The following ARHGAP10 variants were observed in gnomAD, a reference collection of about 807,000 sequenced individuals.
ARHGAP10 encodes Rho GTPase activating protein 10.
ARHGAP10 carries 87 observed loss-of-function variants against 108.6 expected under a neutral mutation model. That is an observed-to-expected ratio of 0.80 (90% CI 0.67 to 0.96). The LOEUF is 0.96. Ranked by LOEUF, ARHGAP10 falls within the 40% of genes least tolerant of loss-of-function variation. The pLI is 0.00. For synonymous variants in ARHGAP10, 347 were observed against 341.1 expected, an observed-to-expected ratio of 1.02 and a Z score of -0.19; for missense variants, 939 against 954.5, an observed-to-expected ratio of 0.98 and a Z score of 0.21.
chr4:147,807,223 T>C (rs1436098713), intron 1 of ARHGAP10, among the ~76,000 whole-genome samples: 1 of 152,176 alleles, frequency 6.6e-6, no homozygotes, highest in Non-Finnish European at 1.5e-5. Context: ...AAGATCTACC[T>C]TGTAGGATTT....
At chr4:147,733,425 C>T (rs931675575) in intron 1 of ARHGAP10, among the ~76,000 whole-genome samples, 6 of 152,148 alleles carry the variant, frequency 3.9e-5, no homozygotes, top group African/African-American at 1.4e-4. Context: ...CCCTTTCCCC[C>T]TTTAAAAGAC....
chr4:147,957,473 G>C (rs893022101), intron 16 of ARHGAP10, among the ~76,000 whole-genome samples: 3 of 152,116 alleles, frequency 2.0e-5, no homozygotes, highest in African/African-American at 7.2e-5. Flanking sequence ...TTGGAAAATC[G>C]GGATTGTGGT....
At chr4:147,747,803 AAG>A (rs1560736971) in intron 1 of ARHGAP10, among the ~76,000 whole-genome samples, 1 of 152,186 alleles carries the variant, frequency 6.6e-6, no homozygotes, top group East Asian at 1.9e-4. Flanking sequence ...AGAAAAAAAA[AAG>A]AAATTTTGGC....
intron 4 of ARHGAP10, among the ~76,000 whole-genome samples, chr4:147,856,789 T>A (rs942212500): frequency 6.6e-6 from 1 of 152,222 alleles, no homozygotes; most frequent in African/African-American, 2.4e-5. Context: ...TTAGGGAAGA[T>A]CTTTCCCAAG....
rs112532261 is a variant in ARHGAP10, at chr4:147,889,970, C to T, written c.1034+8038C>T. Among the ~76,000 whole-genome samples the T allele has an allele frequency of 8.3e-3, 1,263 of 152,344 alleles. 16 individuals are homozygous for T. Among genetic ancestry groups the T allele is most frequent in the African/African-American group, 0.029 (1,205 of 41,578 alleles). ...AGATCACAGCTGATATAATCCTGCT[C>T]TCTCGAGCATAGTTTACTTTTATCA... On this transcript the variant is annotated intron_variant, in intron 10 of 22. Coordinates refer to ENST00000336498, the MANE Select transcript of ARHGAP10 (RefSeq NM_024605.4).
chr4:147,932,596 T>A (rs1438394927), intron 13 of ARHGAP10, among the ~76,000 whole-genome samples: 1 of 117,946 alleles, frequency 8.5e-6, no homozygotes, highest in African/African-American at 3.4e-5. Flanking sequence ...AAGTGGGAGC[T>A]AAATAATAAC....
At chr4:147,917,763 A>G (rs1448136081) in intron 13 of ARHGAP10, among the ~76,000 whole-genome samples, 4 of 152,222 alleles carry the variant, frequency 2.6e-5, no homozygotes, top group Non-Finnish European at 5.9e-5. Context: ...ATTTTTATGA[A>G]TGGAGCTAAT....
At chr4:147,937,069 C>T (rs1453897920) in intron 13 of ARHGAP10, among the ~76,000 whole-genome samples, 2 of 152,056 alleles carry the variant, frequency 1.3e-5, no homozygotes, top group African/African-American at 4.8e-5. Context: ...TGAAACCATC[C>T]CCCCCACCCC....
chr4:147,765,192 T>C lies in ARHGAP10; in HGVS notation c.154+32737T>C, dbSNP rs371024660. Among the ~76,000 whole-genome samples, 14 of 152,304 alleles carry C rather than the reference T, an allele frequency of 9.2e-5. No homozygotes were observed. In the East Asian group the frequency reaches 2.5e-3, roughly 27 times the overall value. ...TTTTCTTGTTAGGCATAATTTATCA[T>C]TGTGAGTCATTTAAGATCTATTTAG... On this transcript the variant is annotated intron_variant, in intron 1 of 22. Transcript: ENST00000336498.
chr4:147,779,859 G>C (rs1245364729), intron 1 of ARHGAP10, among the ~76,000 whole-genome samples: 1 of 152,124 alleles, frequency 6.6e-6, no homozygotes, highest in Non-Finnish European at 1.5e-5. Context: ...CTTATTCTGA[G>C]GTTTAAATGG....
Position 147,944,255 on chromosome 4 carries a change from T to A in ARHGAP10, c.1304-2362T>A, listed in dbSNP as rs532696410. ...GGCTTAATTTGATTTCTTGAATGTA[T>A]CTGTGGCTTGTCTGACAAGCTCAGT... On this transcript the variant is annotated intron_variant, in intron 14 of 22. Transcript: ENST00000336498. Among the ~76,000 whole-genome samples the A allele has an allele frequency of 7.2e-5, 11 of 152,350 alleles. No individual in the cohort carries two copies. The South Asian group carries it at 2.3e-3, about 32-fold the overall frequency.
rs533009289 is a variant in ARHGAP10 at position 147,833,075 on chromosome 4, C to T, written c.312+10118C>T. ...CCTGCCATCATCTTGGAAGAAAATC[C>T]TGGATACAAGAATGGAGCTCCTTAA... On this transcript the variant is annotated intron_variant, in intron 3 of 22. Transcript: ENST00000336498. Among the ~76,000 whole-genome samples the T allele has an allele frequency of 5.3e-5, 8 of 152,280 alleles. No homozygotes were observed. In the East Asian group the frequency reaches 1.5e-3, roughly 29 times the overall value.
At position 148,063,233 on chromosome 4, in the gene ARHGAP10, C is replaced by A. The variant is rs1396217943; in HGVS notation, c.2113C>A (p.Leu705Ile). ...AAGCTCCAACTCAGCTGTGACACCTCTTTCACCCGGGTCGTCCCCTTTCCC... is the reference window on the plus strand; with the variant it reads ...AAGCTCCAACTCAGCTGTGACACCTATTTCACCCGGGTCGTCCCCTTTCCC... ...TTSSNSAVTPLSPGSSPFPFS... is the reference protein window; with the variant it reads ...TTSSNSAVTPISPGSSPFPFS... Residue 705 changes from leucine (L) to isoleucine (I), a missense_variant, in exon 21 of 23, where the codon CTT becomes ATT. Transcript: ENST00000336498. 6.2e-7 allele frequency: 1 copy of A among 1,614,100 alleles called. No homozygotes were observed. Among genetic ancestry groups the A allele is most frequent in the African/African-American group, 1.3e-5 (1 of 74,926 alleles).
chr4:148,025,412 G>T (rs963864370), intron 19 of ARHGAP10, among the ~76,000 whole-genome samples: 1 of 151,486 alleles, frequency 6.6e-6, no homozygotes, highest in African/African-American at 2.4e-5. Context: ...CTTAAGTTTG[G>T]TCATAGTGAT....
chr4:147,801,855 A>G (rs1292602464), intron 1 of ARHGAP10, among the ~76,000 whole-genome samples: 1 of 152,242 alleles, frequency 6.6e-6, no homozygotes, highest in Non-Finnish European at 1.5e-5. Flanking sequence ...GGAGAAACCC[A>G]GAAGTTAACT....
chr4:147,993,977 C>A (rs1740377586), intron 18 of ARHGAP10, among the ~76,000 whole-genome samples: 1 of 152,172 alleles, frequency 6.6e-6, no homozygotes, highest in Admixed American at 6.5e-5. Flanking sequence ...CTGCAGTTTA[C>A]AGATCAATGC....
intron 1 of ARHGAP10, among the ~76,000 whole-genome samples, chr4:147,742,560 T>G (rs1728725923): frequency 7.3e-6 from 1 of 137,640 alleles, no homozygotes; most frequent in Non-Finnish European, 1.5e-5. Context: ...CTCGACTCAC[T>G]GCAACCTCTG....
intron 3 of ARHGAP10, among the ~76,000 whole-genome samples, chr4:147,844,539 T>C (rs911235597): frequency 2.6e-5 from 4 of 152,238 alleles, no homozygotes; most frequent in Non-Finnish European, 5.9e-5. Context: ...ATGAGTTCAA[T>C]TGTTTTGATT....
intron 6 of ARHGAP10, 184 bp downstream of exon 6, chr4:147,865,140 C>G (rs1734501315): frequency 5.3e-6 from 3 of 567,358 alleles, no homozygotes; most frequent in Non-Finnish European, 3.1e-6. Context: ...ATCAGTGGTT[C>G]TCAGCTGTAT....
Sources: allele counts gnomAD v4.1 joint callset (sites outside exome capture counted in the v4.1 genomes callset), GRCh38; gene constraint gnomAD v4.1.1; transcripts MANE v1.5; gene names NCBI Gene and HGNC (gene_info 2026-07-23, HGNC 2026-07-21).